Variants in EIF4G3 observed in about 807,000 individuals in gnomAD.
EIF4G3 encodes eIF-4-gamma 3.
Under a neutral mutation model 186.4 loss-of-function variants are expected in EIF4G3, and 34 were observed. The observed-to-expected ratio is 0.18, with a 90% CI of 0.14 to 0.24. The LOEUF (loss-of-function observed/expected upper bound fraction) is 0.24, where lower values mean the gene tolerates loss of function less well. Ranked by LOEUF, EIF4G3 falls within the 10% of genes least tolerant of loss-of-function variation. The pLI, the probability that EIF4G3 is intolerant of heterozygous loss-of-function variation, is 1.00. For synonymous variants in EIF4G3, 673 were observed against 679.5 expected, an observed-to-expected ratio of 0.99 and a Z score of 0.15; for missense variants, 1,536 against 1,948.5, an observed-to-expected ratio of 0.79 and a Z score of 3.99.
At chr1:20,963,584 T>C (rs535370874) in intron 12 of EIF4G3, among the ~76,000 whole-genome samples, 1 of 152,268 alleles carries the variant, frequency 6.6e-6, no homozygotes, top group African/African-American at 2.4e-5. Context: ...TGTGTTTCAT[T>C]ACAATAATAA....
At chr1:20,887,714 G>C (rs1159587178) in intron 18 of EIF4G3, among the ~76,000 whole-genome samples, 4 of 150,010 alleles carry the variant, frequency 2.7e-5, no homozygotes, top group African/African-American at 9.8e-5. Flanking sequence ...ATAACTGAAA[G>C]GAAATAAAGA....
In EIF4G3 at chr1:20,840,962, C is replaced by T; in HGVS notation, c.3955G>A (p.Val1319Met). 3 of 1,614,150 alleles carry T rather than the reference C, an allele frequency of 1.9e-6. No individual in the cohort carries two copies. The highest frequency in any genetic ancestry group is 2.5e-6 in the Non-Finnish European group (3 of 1,180,022). ...GLLHVFVRVG[V>M]ESTLERSQIT... is the part of the protein sequence containing the mutation. ...TGGCTCCTTTCCAGGGTGGACTCCA[C>T]TCCCACTCTCACAAAAACATGTAGT... Residue 1319 changes from valine to methionine, a missense_variant, in exon 30 of 37, where the codon GTG becomes ATG. Val to Met is a conservative substitution (Grantham distance 21). Around this residue, in one of 11 missense-constraint regions of EIF4G3, gnomAD observed 395 missense variants for 498.9 expected, o/e 0.79. Coordinates refer to ENST00000602326, the MANE Select transcript of EIF4G3 (RefSeq NM_001391906.1).
At chr1:21,145,704 C>T (rs1413440419) in intron 2 of EIF4G3, among the ~76,000 whole-genome samples, 1 of 152,006 alleles carries the variant, frequency 6.6e-6, no homozygotes, top group African/African-American at 2.4e-5. Context: ...ATCTAGTAGT[C>T]AATGTTAGGA....
At chr1:20,968,732 T>C (rs1045710174) in intron 12 of EIF4G3, among the ~76,000 whole-genome samples, 2 of 152,140 alleles carry the variant, frequency 1.3e-5, no homozygotes, top group African/African-American at 2.4e-5. Flanking sequence ...AAAAACACAA[T>C]AGAAATTTTA....
intron 4 of EIF4G3, among the ~76,000 whole-genome samples, chr1:21,042,740 GT>G (rs910264808): frequency 2.0e-5 from 3 of 152,168 alleles, no homozygotes; most frequent in Non-Finnish European, 4.4e-5. Context: ...TTCCCTCAGA[GT>G]TCTGTCTGCT....
At chr1:20,813,947 G>GTTT (rs576925301) in intron 34 of EIF4G3, among the ~76,000 whole-genome samples, 1,477 of 77,284 alleles carry the variant, frequency 0.019, 99 homozygotes, top group African/African-American at 0.05. Context: ...ATGAGTCACT[G>GTTT]TTTTTTTTTT....
chr1:20,936,089 C>T (rs892384269), intron 14 of EIF4G3, among the ~76,000 whole-genome samples: 6 of 152,136 alleles, frequency 3.9e-5, no homozygotes, highest in African/African-American at 1.2e-4. Flanking sequence ...CAAGGAAGAA[C>T]TACGTAAGGG....
At chr1:20,884,214 C>A (rs935146615) in intron 19 of EIF4G3, among the ~76,000 whole-genome samples, 2 of 152,066 alleles carry the variant, frequency 1.3e-5, no homozygotes, top group African/African-American at 4.8e-5. Context: ...CTAAAGAAAA[C>A]CTATTAATTA....
intron 2 of EIF4G3, among the ~76,000 whole-genome samples, chr1:21,149,332 A>T (rs2097511968): frequency 6.6e-6 from 1 of 152,168 alleles, no homozygotes; most frequent in African/African-American, 2.4e-5. Context: ...TTATGAGTAA[A>T]CTGTTATTCT....
intron 30 of EIF4G3, among the ~76,000 whole-genome samples, chr1:20,840,309 A>T (rs1475202802): frequency 6.6e-6 from 1 of 152,242 alleles, no homozygotes; most frequent in Non-Finnish European, 1.5e-5. Flanking sequence ...GGCAGACCTT[A>T]TCAAACCATC....
intron 4 of EIF4G3, among the ~76,000 whole-genome samples, chr1:21,024,808 T>C (rs1436537484): frequency 1.3e-5 from 2 of 149,610 alleles, no homozygotes; most frequent in Admixed American, 1.3e-4. Flanking sequence ...TTCACTTGTT[T>C]ATCTGCTGAC....
At chr1:20,970,429 C>T (rs542174984) in intron 11 of EIF4G3, among the ~76,000 whole-genome samples, 1 of 150,556 alleles carries the variant, frequency 6.6e-6, no homozygotes, top group Non-Finnish European at 1.5e-5. Context: ...CTGGCTAACA[C>T]GATGAAACTC....
intron 14 of EIF4G3, chr1:20,929,697 A>C (rs2095192008): frequency 6.6e-6 from 1 of 152,226 alleles, no homozygotes; most frequent in Non-Finnish European, 1.5e-5. Flanking sequence ...TTACAATTCT[A>C]TAATGTAAAT....
intron 2 of EIF4G3, among the ~76,000 whole-genome samples, chr1:21,125,190 G>A (rs1558075917): frequency 6.6e-6 from 1 of 152,022 alleles, no homozygotes; most frequent in Admixed American, 6.6e-5. Context: ...CCAAATCTGG[G>A]TTCTACGTAT....
At chr1:20,971,057 T>G (rs2075791141) in intron 11 of EIF4G3, among the ~76,000 whole-genome samples, 1 of 152,180 alleles carries the variant, frequency 6.6e-6, no homozygotes. Context: ...GCACAAAGTG[T>G]GTATGGTCTT....
intron 33 of EIF4G3, among the ~76,000 whole-genome samples, chr1:20,820,163 G>A (rs1166471971): frequency 1.3e-5 from 2 of 152,130 alleles, no homozygotes; most frequent in African/African-American, 4.8e-5. Context: ...CTGTGGATTC[G>A]AGCCTTTCTT....
chr1:20,948,433 CACTA>C (rs1359902662), intron 13 of EIF4G3, among the ~76,000 whole-genome samples: 9 of 152,174 alleles, frequency 5.9e-5, no homozygotes, highest in African/African-American at 2.2e-4. Flanking sequence ...CATTAGGGAT[CACTA>C]ACTATCTTTT....
chr1:20,839,985 C>G (rs1036142550), intron 30 of EIF4G3, among the ~76,000 whole-genome samples: 3 of 151,452 alleles, frequency 2.0e-5, no homozygotes, highest in Non-Finnish European at 2.9e-5. Context: ...AGCATATGTC[C>G]AGGTGAGGAT....
chr1:20,943,005 A>C (rs2095783554), intron 13 of EIF4G3, among the ~76,000 whole-genome samples: 2 of 152,146 alleles, frequency 1.3e-5, no homozygotes, highest in Admixed American at 1.3e-4. Context: ...GTAAGGTATA[A>C]AAATGGAAAT....
Sources: allele counts gnomAD v4.1 joint callset (sites outside exome capture counted in the v4.1 genomes callset), GRCh38; gene constraint gnomAD v4.1.1; regional missense constraint gnomAD v4.1.1; transcripts MANE v1.5; gene names NCBI Gene and HGNC (gene_info 2026-07-23, HGNC 2026-07-21).